Variants in THADA observed in about 807,000 individuals in gnomAD.
THADA encodes the protein tRNA (32-2'-O)-methyltransferase regulator THADA.
In THADA, 213 loss-of-function variants were observed where a neutral mutation model predicts 219.8. That is an observed-to-expected ratio of 0.97 (90% CI 0.87 to 1.09). THADA has a LOEUF of 1.09. THADA is among the 50% of genes least tolerant of loss of function. THADA has a pLI of 0.00. For synonymous variants in THADA, 1,018 were observed against 828.9 expected (o/e 1.23, Z -3.92); for missense variants, 2,956 against 2,311.3 (o/e 1.28, Z -5.72).
chr2:43,327,162 G>C (rs1237716623), intron 30 of THADA, among the ~76,000 whole-genome samples: 1 of 152,148 alleles, frequency 6.6e-6, no homozygotes. Context: ...AGGGGTTTGA[G>C]CTGGTGAAAG....
At chr2:43,370,214 A>G (rs1474710962) in intron 29 of THADA, 3 of 152,230 alleles carry the variant, frequency 2.0e-5, no homozygotes. Flanking sequence ...GAGCAAAGCA[A>G]TTATTTGGCG....
intron 34 of THADA, 125 bp from the exon 35 acceptor site, chr2:43,287,186 T>C: frequency 1.2e-6 from 1 of 822,398 alleles, no homozygotes; most frequent in Non-Finnish European, 1.8e-6. Context: ...AAGAAAGTTG[T>C]TTTTTAGTTG....
Position 43,541,182 on chromosome 2 carries a change from C to T in THADA, c.3241G>A (p.Asp1081Asn). 4 of 1,594,428 alleles carry T rather than the reference C, an allele frequency of 2.5e-6. No individual in the cohort carries two copies. The African/African-American group carries it at 4.1e-5, about 16-fold the overall frequency. The change falls in exon 21 of 38, where the codon GAT becomes AAT. Residue 1081 changes from aspartate (D) to asparagine (N), a missense_variant. Coordinates refer to ENST00000405975, the MANE Select transcript of THADA (RefSeq NM_022065.5). Reference protein sequence around the residue: ...LPMQPVPESSDGLLTVEQVKE... With the variant: ...LPMQPVPESSNGLLTVEQVKE... ...ACCTGCTCCACCGTCAATAATCCAT[C>T]AGAAGATTCTGGCACAGGCTGCATG...
intron 31 of THADA, 86 bp downstream of exon 31, chr2:43,320,360 C>G (rs1245159749): frequency 8.1e-6 from 7 of 862,688 alleles, no homozygotes; most frequent in Non-Finnish European, 1.3e-5. Flanking sequence ...GAAGGTGGAG[C>G]AGTGTGTGGC....
chr2:43,347,683 G>A (rs1667786560), intron 29 of THADA, among the ~76,000 whole-genome samples: 1 of 152,130 alleles, frequency 6.6e-6, no homozygotes. Flanking sequence ...GGAACTTTCT[G>A]TATTACCAGT....
At chr2:43,422,913 T>C (rs958511524) in intron 28 of THADA, among the ~76,000 whole-genome samples, 8 of 152,044 alleles carry the variant, frequency 5.3e-5, no homozygotes, top group African/African-American at 1.9e-4. Flanking sequence ...TAGAGACAGG[T>C]TCTCCTTATG....
intron 30 of THADA, among the ~76,000 whole-genome samples, chr2:43,327,495 G>A (rs997533693): frequency 6.6e-6 from 1 of 151,844 alleles, no homozygotes; most frequent in African/African-American, 2.4e-5. Context: ...GTGGTTAGAA[G>A]AATGGGAGAG....
chr2:43,574,644 T>G lies in THADA; in HGVS notation c.1421A>C (p.Asp474Ala). 6.2e-7 allele frequency: 1 copy of G among 1,614,004 alleles called. No individual in the cohort carries two copies. ...CIGVEHILAIDKTIPSQILEV... is the reference protein window; with the variant it reads ...CIGVEHILAIAKTIPSQILEV... ...TAAGATTTGAGATGGAATAGTTTTATCTATAGCCAAAATATGTTCAACTCC... is the reference window on the plus strand; with the variant it reads ...TAAGATTTGAGATGGAATAGTTTTAGCTATAGCCAAAATATGTTCAACTCC... Residue 474 changes from aspartate to alanine, a missense_variant, in exon 11 of 38, where the codon GAT (aspartate) becomes GCT (alanine). Transcript: ENST00000405975.
chr2:43,327,637 C>T (rs1679490412), intron 30 of THADA, among the ~76,000 whole-genome samples: 1 of 152,134 alleles, frequency 6.6e-6, no homozygotes, highest in African/African-American at 2.4e-5. Flanking sequence ...GTTTAGGTGG[C>T]ACAGGCACCT....
At chr2:43,421,911 G>A (rs112692315) in intron 28 of THADA, among the ~76,000 whole-genome samples, 2 of 152,158 alleles carry the variant, frequency 1.3e-5, no homozygotes, top group African/African-American at 2.4e-5. Context: ...TTGAGAGATC[G>A]AAGGACCCAT....
chr2:43,359,641 C>T (rs1185278620), intron 29 of THADA, among the ~76,000 whole-genome samples: 3 of 152,236 alleles, frequency 2.0e-5, no homozygotes, highest in African/African-American at 4.8e-5. Flanking sequence ...GATTGCGCCA[C>T]TGCACTCCAG....
intron 26 of THADA, among the ~76,000 whole-genome samples, chr2:43,463,902 C>G (rs1189266614): frequency 6.6e-6 from 1 of 152,144 alleles, no homozygotes; most frequent in African/African-American, 2.4e-5. Context: ...CTTACAGTAG[C>G]AAGTTTAAAA....
intron 12 of THADA, 71 bp downstream of exon 12, chr2:43,572,743 G>A (rs1699432688): frequency 4.4e-6 from 6 of 1,360,304 alleles, no homozygotes; most frequent in South Asian, 4.1e-5. Flanking sequence ...CAATGTAGGG[G>A]CCTCTATATT....
At chr2:43,591,728 C>T (rs966290610) in intron 3 of THADA, among the ~76,000 whole-genome samples, 3 of 151,984 alleles carry the variant, frequency 2.0e-5, no homozygotes, top group African/African-American at 7.2e-5. Context: ...TATCTTCTAC[C>T]TTATCTGTTT....
intron 22 of THADA, among the ~76,000 whole-genome samples, chr2:43,516,586 G>A (rs1205984863): frequency 1.3e-5 from 2 of 152,102 alleles, no homozygotes; most frequent in African/African-American, 4.8e-5. Context: ...TCACACTAAT[G>A]TTTAAAAATT....
At chr2:43,514,061 T>TA (rs959815356) in intron 22 of THADA, among the ~76,000 whole-genome samples, 157 of 135,676 alleles carry the variant, frequency 1.2e-3, no homozygotes, top group Middle Eastern at 3.6e-3. Context: ...CACTGTCCCT[T>TA]AAAAAAAAAA....
intron 22 of THADA, among the ~76,000 whole-genome samples, chr2:43,511,909 C>G (rs1294697849): frequency 6.6e-6 from 1 of 152,132 alleles, no homozygotes; most frequent in Non-Finnish European, 1.5e-5. Flanking sequence ...TATATGAGAG[C>G]TGAGGAAGTA....
At chr2:43,450,321 G>A (rs1476088121) in intron 26 of THADA, among the ~76,000 whole-genome samples, 1 of 152,116 alleles carries the variant, frequency 6.6e-6, no homozygotes, top group Non-Finnish European at 1.5e-5. Flanking sequence ...GGACACAACT[G>A]TATAAAGATA....
intron 36 of THADA, among the ~76,000 whole-genome samples, chr2:43,265,746 C>T (rs1008026124): frequency 7.2e-5 from 11 of 152,164 alleles, no homozygotes; most frequent in African/African-American, 2.4e-4. Flanking sequence ...TTTCCAAACA[C>T]AAACCGAATC....
Sources: gnomAD v4.1 joint callset for allele counts (sites outside exome capture counted in the v4.1 genomes callset) on GRCh38, gnomAD v4.1.1 for gene constraint, MANE v1.5 for transcripts, NCBI Gene and HGNC (gene_info 2026-07-23, HGNC 2026-07-21) for gene names.